The following PGR variants were observed in gnomAD, a reference collection of about 807,000 sequenced individuals.
PGR encodes the protein nuclear receptor subfamily 3 group C member 3.
A neutral mutation model predicts 76.1 loss-of-function variants in PGR; 25 were observed. That is an observed-to-expected ratio of 0.33 (90% CI 0.24 to 0.46). The LOEUF is 0.46. PGR is among the 20% of genes least tolerant of loss of function. The pLI is 1.00. For missense variants in PGR, 1,172 were observed against 1,225.3 expected, an observed-to-expected ratio of 0.96 and a Z score of 0.65; for synonymous variants, 579 against 535.0, an observed-to-expected ratio of 1.08 and a Z score of -1.14.
Position 101,084,428 on chromosome 11 carries a change from C to T in PGR, c.1906+7332G>A, listed in dbSNP as rs569842189. Among the ~76,000 whole-genome samples, 155 of 152,128 alleles carry T rather than the reference C, an allele frequency of 1.0e-3. 3 individuals are homozygous for T. The highest frequency in any genetic ancestry group is 3.4e-3 in the African/African-American group (142 of 41,504). On this transcript the variant is annotated intron_variant, in intron 3 of 7. Transcript: ENST00000325455. The stretch of plus-strand genomic sequence containing the variant: ...ATCCCAGAACTTTGGGAGGCTGAGG[C>T]GGGTGGATCACCTGAGACCAGGAGT...
At chr11:101,089,326 T>A (rs1861599604) in intron 3 of PGR, among the ~76,000 whole-genome samples, 2 of 152,246 alleles carry the variant, frequency 1.3e-5, no homozygotes, top group Admixed American at 1.3e-4. Flanking sequence ...TAAGAATGTA[T>A]ATTAATGTCT....
chr11:101,061,842 G>C (rs892712418), intron 4 of PGR, among the ~76,000 whole-genome samples: 6 of 152,142 alleles, frequency 3.9e-5, no homozygotes, highest in African/African-American at 1.4e-4. Flanking sequence ...TAAAGTGACT[G>C]AAATTCTTCT....
At chr11:101,105,114 G>C (rs1862109039) in intron 2 of PGR, among the ~76,000 whole-genome samples, 2 of 152,236 alleles carry the variant, frequency 1.3e-5, no homozygotes. Flanking sequence ...CTAAGCCAGG[G>C]AGAAGAGTAG....
At chr11:101,082,131 T>A (rs1290122089) in intron 3 of PGR, among the ~76,000 whole-genome samples, 1 of 152,032 alleles carries the variant, frequency 6.6e-6, no homozygotes, top group African/African-American at 2.4e-5. Flanking sequence ...TCTCACTCTC[T>A]CTCTCTCTCT....
intron 2 of PGR, among the ~76,000 whole-genome samples, chr11:101,093,377 G>T (rs894414915): frequency 6.6e-5 from 10 of 151,910 alleles, no homozygotes; most frequent in African/African-American, 2.4e-4. Context: ...AGCAAGGTGT[G>T]TGTAAGTCAG....
intron 3 of PGR, among the ~76,000 whole-genome samples, chr11:101,075,812 G>GA (rs1421338659): frequency 6.6e-6 from 1 of 152,096 alleles, no homozygotes. Flanking sequence ...AAAAACTCAG[G>GA]AAACAATAGA....
intron 3 of PGR, among the ~76,000 whole-genome samples, chr11:101,070,891 G>C (rs986696693): frequency 2.0e-5 from 3 of 152,188 alleles, no homozygotes; most frequent in Non-Finnish European, 4.4e-5. Flanking sequence ...GGCTGTGGGC[G>C]CAGCTTCAGC....
Position 101,126,151 on chromosome 11 carries a change from A to C in PGR, c.1645T>G (p.Ser549Ala). The part of the protein sequence containing the change: ...PPYLNYLRPD[S>A]EASQSPQYSF... ...TATTGTGGGCTCTGGCTGGCTTCTG[A>C]ATCCGGCCTTGAAATGCAAAACAAA... The change falls in exon 2 of 8, where the codon TCA becomes GCA. Residue 549 changes from serine to alanine, a missense_variant. Around this residue, in one of 4 missense-constraint regions of PGR, gnomAD observed 893 missense variants for 785.9 expected, o/e 1.14. Transcript: ENST00000325455. 1 of 1,614,054 alleles carries C rather than the reference A, an allele frequency of 6.2e-7. No individual in the cohort carries two copies. The highest frequency in any genetic ancestry group is 8.5e-7 in the Non-Finnish European group (1 of 1,179,958).
At chr11:101,085,525 TAAAAAAAAA>T (rs1212568882) in intron 3 of PGR, among the ~76,000 whole-genome samples, 1 of 42,276 alleles carries the variant, frequency 2.4e-5, no homozygotes, top group African/African-American at 1.1e-4. Context: ...CTAGAGGAAC[TAAAAAAAAA>T]AAAAAAAAAA....
At chr11:101,051,697 T>C in intron 4 of PGR, 129 bp from the exon 5 acceptor site, 1 of 703,892 alleles carries the variant, frequency 1.4e-6, no homozygotes, top group Non-Finnish European at 2.5e-6. Context: ...CCAACATATT[T>C]TACACTGAAA....
intron 3 of PGR, among the ~76,000 whole-genome samples, chr11:101,091,308 T>C (rs1204520833): frequency 6.6e-6 from 1 of 152,240 alleles, no homozygotes; most frequent in Non-Finnish European, 1.5e-5. Context: ...CTTGCTTTAA[T>C]CAATCACTTG....
chr11:101,102,508 G>A (rs536290157), intron 2 of PGR, among the ~76,000 whole-genome samples: 111 of 152,288 alleles, frequency 7.3e-4, no homozygotes, highest in East Asian at 2.1e-3. Flanking sequence ...AGTTTTTCAC[G>A]TTAGTAAGTC....
rs1859602621 is a variant in PGR, at chr11:101,038,922, A to C, written c.*194T>G. 2.0e-6 allele frequency: 1 copy of C among 504,552 alleles called. No homozygotes were observed. The highest frequency in any genetic ancestry group is 3.5e-6 in the Non-Finnish European group (1 of 286,096). The allele number at this position is 504,552 out of a possible 1,614,324, so 31.3% of individuals were successfully genotyped here. A position where few individuals can be genotyped will look rare whatever the true frequency, so the allele number is the denominator to read the frequency against. ...TCAAGAAAATATGGGTAAACAAAAC[A>C]GTTAAACATTCTAATTATACTTTAT... On this transcript the variant is annotated 3_prime_UTR_variant, in exon 8 of 8. Coordinates refer to ENST00000325455, the MANE Select transcript of PGR (RefSeq NM_000926.4).
chr11:101,087,556 T>C (rs1051585365), intron 3 of PGR, among the ~76,000 whole-genome samples: 13 of 152,112 alleles, frequency 8.5e-5, no homozygotes, highest in South Asian at 2.1e-4. Flanking sequence ...CAAAAGCAAT[T>C]GAAACAAAAA....
At chr11:101,054,223 T>A (rs1262067649) in intron 4 of PGR, among the ~76,000 whole-genome samples, 1 of 152,120 alleles carries the variant, frequency 6.6e-6, no homozygotes, top group African/African-American at 2.4e-5. Context: ...AAGTCAGGGT[T>A]TTTTGTTGTT....
In PGR at chr11:101,029,644, A is replaced by T; in HGVS notation, c.*9472T>A. The T allele has an allele frequency of 5.2e-6, 1 of 191,638 alleles. No individual in the cohort carries two copies. Among genetic ancestry groups the T allele is most frequent in the East Asian group, 8.3e-5 (1 of 12,026 alleles). The allele number at this position is 191,638 out of a possible 1,614,324, so 11.9% of individuals were successfully genotyped here. Reference sequence around the variant, plus strand: ...AGATATAGAAATTAGTTTATTCTTTATTATCACACAGAATAACAAGAATTA... The same window carrying T: ...AGATATAGAAATTAGTTTATTCTTTTTTATCACACAGAATAACAAGAATTA... On this transcript the variant is annotated 3_prime_UTR_variant, in exon 8 of 8. Transcript: ENST00000325455.
At chr11:101,078,360 A>G (rs1861192547) in intron 3 of PGR, among the ~76,000 whole-genome samples, 1 of 152,196 alleles carries the variant, frequency 6.6e-6, no homozygotes, top group African/African-American at 2.4e-5. Context: ...TCATTTAATC[A>G]TTCTTTTATG....
At position 101,128,331 on chromosome 11, in the gene PGR, G is replaced by C; in HGVS notation, c.740C>G (p.Ala247Gly). ...AGCCGCGGCTCCTCCTCCAGCCGCC[G>C]CGCCACCCAGAGCCCGAGGTTTGCC... ...LKGKPRALGG[A>G]AAGGGAAAVP... The change falls in exon 1 of 8, where the codon GCG becomes GGG. Residue 247 changes from alanine to glycine, a missense_variant. By Grantham distance (60) the Ala-to-Gly change is moderately conservative (BLOSUM62 0). Transcript: ENST00000325455. 1 of 1,597,544 alleles carries C rather than the reference G, an allele frequency of 6.3e-7. No individual in the cohort carries two copies. The highest frequency in any genetic ancestry group is 8.5e-7 in the Non-Finnish European group (1 of 1,177,490).
intron 3 of PGR, among the ~76,000 whole-genome samples, chr11:101,078,871 G>T (rs1258111179): frequency 2.0e-5 from 3 of 151,734 alleles, no homozygotes; most frequent in Non-Finnish European, 1.5e-5. Context: ...TTATTTAAAT[G>T]GTCTCTATGT....
Sources: gnomAD v4.1 joint callset for allele counts (sites outside exome capture counted in the v4.1 genomes callset) on GRCh38, gnomAD v4.1.1 for gene constraint, gnomAD v4.1.1 regional missense constraint, MANE v1.5 for transcripts, NCBI Gene and HGNC (gene_info 2026-07-23, HGNC 2026-07-21) for gene names.